Variants in ADAM12 observed in about 807,000 individuals in gnomAD.
The protein encoded by ADAM12 is ADAM metallopeptidase domain 12.
A neutral mutation model predicts 106.4 loss-of-function variants in ADAM12; 70 were observed. That is an observed-to-expected ratio of 0.66 (90% confidence interval 0.54 to 0.80). ADAM12 has a LOEUF of 0.80. Ranked by LOEUF, ADAM12 falls within the 30% of genes least tolerant of loss-of-function variation. The probability of loss-of-function intolerance (pLI) is 0.00; values close to 1 mark genes in which losing one functional copy is unlikely to be tolerated. For missense variants in ADAM12, 1,010 were observed against 1,171.9 expected, an observed-to-expected ratio of 0.86 and a Z score of 2.02; for synonymous variants, 420 against 433.5, an observed-to-expected ratio of 0.97 and a Z score of 0.39.
intron 2 of ADAM12, among the ~76,000 whole-genome samples, chr10:126,323,193 T>C (rs138442335): frequency 1.3e-5 from 2 of 152,226 alleles, no homozygotes; most frequent in African/African-American, 2.4e-5. Context: ...GTAAAATAGA[T>C]GCTTCCTAAG....
At chr10:126,220,211 GA>G in intron 3 of ADAM12, among the ~76,000 whole-genome samples, 1 of 152,356 alleles carries the variant, frequency 6.6e-6, no homozygotes, top group East Asian at 1.9e-4. Context: ...ACTCTCTGAA[GA>G]GCTGGATTCT....
At chr10:126,313,608 CATCT>C (rs5788780) in intron 2 of ADAM12, among the ~76,000 whole-genome samples, 39,808 of 151,948 alleles carry the variant, frequency 0.26, 5,361 homozygotes, top group Middle Eastern at 0.34. Context: ...CCCATCCATC[CATCT>C]GTCCATCTGT....
chr10:126,019,898 C>CT (rs1953731082), intron 21 of ADAM12, 73 bp from the exon 22 acceptor site: 1 of 1,486,786 alleles, frequency 6.7e-7, no homozygotes, highest in African/African-American at 1.4e-5. Flanking sequence ...CAGGGCCTGC[C>CT]GCTTGGCACA....
At chr10:126,173,352 G>A (rs550339089) in intron 3 of ADAM12, among the ~76,000 whole-genome samples, 6 of 152,286 alleles carry the variant, frequency 3.9e-5, no homozygotes, top group South Asian at 2.1e-4. Context: ...AACAGCAAAC[G>A]CGGCGAATCT....
At chr10:126,027,202 A>C (rs1445189808) in intron 21 of ADAM12, among the ~76,000 whole-genome samples, 2 of 152,222 alleles carry the variant, frequency 1.3e-5, no homozygotes, top group Non-Finnish European at 2.9e-5. Flanking sequence ...GAATAGGCCA[A>C]TAATGAGTCC....
intron 3 of ADAM12, among the ~76,000 whole-genome samples, chr10:126,219,175 A>G (rs1245109018): frequency 1.3e-5 from 2 of 152,224 alleles, no homozygotes; most frequent in African/African-American, 4.8e-5. Flanking sequence ...AAAAATAACA[A>G]AAACAAAAAT....
At chr10:126,108,491 G>A (rs1231740601) in intron 8 of ADAM12, 102 bp downstream of exon 8, 1 of 1,073,544 alleles carries the variant, frequency 9.3e-7, no homozygotes. Context: ...CCAAGGCCCA[G>A]AGGCAGAACC....
At chr10:126,156,386 G>T (rs1320293620) in intron 3 of ADAM12, among the ~76,000 whole-genome samples, 1 of 152,204 alleles carries the variant, frequency 6.6e-6, no homozygotes, top group African/African-American at 2.4e-5. Context: ...GCGATTAAAT[G>T]ACTTTGTAAC....
At chr10:126,231,017 A>G (rs1958298869) in intron 3 of ADAM12, among the ~76,000 whole-genome samples, 2 of 152,184 alleles carry the variant, frequency 1.3e-5, no homozygotes, top group African/African-American at 4.8e-5. Context: ...GCAACCAAAA[A>G]CATTTTATTA....
intron 1 of ADAM12, among the ~76,000 whole-genome samples, chr10:126,350,462 C>T (rs1319434744): frequency 6.6e-6 from 1 of 152,168 alleles, no homozygotes; most frequent in Non-Finnish European, 1.5e-5. Flanking sequence ...AGGAATTCAG[C>T]CCCGGGACAG....
intron 3 of ADAM12, among the ~76,000 whole-genome samples, chr10:126,166,873 C>A (rs1166526240): frequency 6.6e-6 from 1 of 152,148 alleles, no homozygotes; most frequent in Non-Finnish European, 1.5e-5. Context: ...AAAATAGGGC[C>A]TCAGATACAG....
intron 2 of ADAM12, among the ~76,000 whole-genome samples, chr10:126,328,642 T>A (rs1040313472): frequency 2.0e-5 from 3 of 152,198 alleles, no homozygotes; most frequent in Non-Finnish European, 4.4e-5. Flanking sequence ...CCATAAACTA[T>A]ATGTTGAGAT....
chr10:126,128,874 T>TGTGTGGTGCGC (rs1274734838), intron 5 of ADAM12, among the ~76,000 whole-genome samples: 48 of 147,666 alleles, frequency 3.3e-4, no homozygotes, highest in African/African-American at 1.1e-3. Flanking sequence ...CCTGTGCGAG[T>TGTGTGGTGCGC]GTGTGGTGCG....
intron 18 of ADAM12, chr10:126,041,940 C>T: frequency 1.4e-6 from 2 of 1,427,086 alleles, no homozygotes; most frequent in Non-Finnish European, 9.1e-7. Context: ...CGCTGCCCTT[C>T]CTTGCACTGT....
chr10:126,286,596 C>G (rs1959873531), intron 2 of ADAM12, among the ~76,000 whole-genome samples: 1 of 152,172 alleles, frequency 6.6e-6, no homozygotes, highest in African/African-American at 2.4e-5. Context: ...TATTTAGAGG[C>G]AATCTTGATT....
intron 1 of ADAM12, among the ~76,000 whole-genome samples, chr10:126,380,997 A>G (rs533816390): frequency 6.6e-6 from 1 of 152,292 alleles, no homozygotes; most frequent in Admixed American, 6.5e-5. Context: ...CATCATCTAC[A>G]CCAGGAAGGA....
intron 2 of ADAM12, among the ~76,000 whole-genome samples, chr10:126,298,681 G>A (rs959659022): frequency 4.6e-5 from 7 of 151,858 alleles, no homozygotes; most frequent in African/African-American, 1.4e-4. Flanking sequence ...AAAAAATCAC[G>A]AATCCAAAGT....
intron 5 of ADAM12, among the ~76,000 whole-genome samples, chr10:126,126,523 A>G (rs1590456359): frequency 6.6e-6 from 1 of 151,884 alleles, no homozygotes; most frequent in African/African-American, 2.4e-5. Flanking sequence ...TATTTGCAGG[A>G]CTATTGAACA....
intron 18 of ADAM12, chr10:126,042,081 G>T: frequency 6.3e-7 from 1 of 1,596,034 alleles, no homozygotes; most frequent in Non-Finnish European, 8.5e-7. Context: ...TTGGGGACGC[G>T]TGACCTCCTC....
Sources: allele counts gnomAD v4.1 joint callset (sites outside exome capture counted in the v4.1 genomes callset), GRCh38; gene constraint gnomAD v4.1.1; transcripts MANE v1.5; gene names NCBI Gene and HGNC (gene_info 2026-07-23, HGNC 2026-07-21).